EMCN: variants seen among roughly 807,000 people sequenced by gnomAD.
EMCN encodes endomucin.
Under a neutral mutation model 38.4 loss-of-function variants are expected in EMCN, and 37 were observed. That is an observed-to-expected ratio of 0.96 (90% CI 0.74 to 1.27). EMCN has a LOEUF of 1.27. EMCN is among the 50% of genes most tolerant of loss of function. The pLI, the probability that EMCN is intolerant of heterozygous loss-of-function variation, is 0.00. For synonymous variants in EMCN, 95 were observed against 100.8 expected (o/e 0.94, Z 0.35); for missense variants, 318 against 302.8 (o/e 1.05, Z -0.37).
intron 2 of EMCN, among the ~76,000 whole-genome samples, chr4:100,475,601 A>G (rs1278022170): frequency 7.0e-6 from 1 of 142,728 alleles, no homozygotes; most frequent in East Asian, 2.0e-4. Context: ...AAACTTCCCT[A>G]TTAATTTGTG....
At chr4:100,408,917 C>T (rs1726472384) in intron 11 of EMCN, among the ~76,000 whole-genome samples, 1 of 152,202 alleles carries the variant, frequency 6.6e-6, no homozygotes. Flanking sequence ...GGCACTGCAG[C>T]ATGCTGGAGG....
At chr4:100,442,233 A>G (rs1727542228) in intron 5 of EMCN, among the ~76,000 whole-genome samples, 1 of 152,168 alleles carries the variant, frequency 6.6e-6, no homozygotes, top group South Asian at 2.1e-4. Context: ...CTTGATCTGC[A>G]AGGTTTCTAT....
intron 1 of EMCN, among the ~76,000 whole-genome samples, chr4:100,487,855 C>T (rs1228301810): frequency 6.6e-6 from 1 of 152,186 alleles, no homozygotes; most frequent in African/African-American, 2.4e-5. Context: ...TTGGGTACTT[C>T]TTCATAGCAG....
At position 100,397,953 on chromosome 4, in the gene EMCN, CT is replaced by C. The variant is rs564721223; in HGVS notation, c.*459del. The C allele has an allele frequency of 3.9e-4, 60 of 152,004 alleles. No homozygotes were observed. Among genetic ancestry groups the C allele is most frequent in the African/African-American group, 1.2e-3 (50 of 41,446 alleles). 9.4% of individuals were successfully genotyped at this position (152,004 alleles called of 1,614,324 possible). A position where few individuals can be genotyped will look rare whatever the true frequency, so the allele number is the denominator to read the frequency against. Reference sequence around the variant, plus strand: ...TTAATAATACACGTGCAACTTTTCCCTGCATTAACATAGTGGTAAACAATAA... The same window carrying C: ...TTAATAATACACGTGCAACTTTTCCCGCATTAACATAGTGGTAAACAATAA... On this transcript the variant is annotated 3_prime_UTR_variant, in exon 12 of 12. Transcript: ENST00000296420.
At chr4:100,413,116 T>C (rs1560604530) in intron 10 of EMCN, among the ~76,000 whole-genome samples, 3 of 152,216 alleles carry the variant, frequency 2.0e-5, no homozygotes, top group Non-Finnish European at 4.4e-5. Context: ...CAGATTCAAA[T>C]AATTTTTATG....
rs1726521055 is a variant in EMCN at position 100,410,446 on chromosome 4, A to T, written c.752-91T>A. ...CCTAGCTTTTTTCTATTTTTCAAGG[A>T]AAGTTCAACTTTCCTGCAAGAATGT... On this transcript the variant is annotated intron_variant, in intron 10 of 11. Transcript: ENST00000296420. 12 of 1,303,260 alleles carry T rather than the reference A, an allele frequency of 9.2e-6. No homozygotes were observed. In the South Asian group the frequency reaches 1.5e-4, roughly 16 times the overall value. 80.7% of individuals were successfully genotyped at this position (1,303,260 alleles called of 1,614,324 possible). A position where few individuals can be genotyped will look rare whatever the true frequency, so the allele number is the denominator to read the frequency against.
chr4:100,479,447 T>C (rs1193695141), intron 2 of EMCN, among the ~76,000 whole-genome samples: 5 of 152,110 alleles, frequency 3.3e-5, no homozygotes, highest in Non-Finnish European at 7.4e-5. Flanking sequence ...TAGCTAGATA[T>C]AGTTGTCACT....
intron 1 of EMCN, among the ~76,000 whole-genome samples, chr4:100,508,343 TAAGAA>T (rs1729537156): frequency 6.6e-6 from 1 of 152,180 alleles, no homozygotes; most frequent in African/African-American, 2.4e-5. Context: ...GGGAAAAATA[TAAGAA>T]AGTTGTTATA....
At position 100,396,942 on chromosome 4, in the gene EMCN, C is replaced by CTTTT. The variant is rs75271521; in HGVS notation, c.*1467_*1470dup. On this transcript the variant is annotated 3_prime_UTR_variant, in exon 12 of 12. Coordinates refer to ENST00000296420, the MANE Select transcript of EMCN (RefSeq NM_016242.4). ...TCTCCTCTCTTCCTTTCCTTTCTTT[C>CTTTT]TTTTTTTTTTTTCTACTTCCCATCC... 6.9e-6 allele frequency: 1 copy of CTTTT among 145,484 alleles called. No homozygotes were observed. 9.0% of individuals were successfully genotyped at this position (145,484 alleles called of 1,614,324 possible). A position where few individuals can be genotyped will look rare whatever the true frequency, so the allele number is the denominator to read the frequency against.
At chr4:100,436,766 A>T (rs1417820348) in intron 5 of EMCN, among the ~76,000 whole-genome samples, 4 of 152,212 alleles carry the variant, frequency 2.6e-5, no homozygotes, top group African/African-American at 4.8e-5. Context: ...CAGAAACAGA[A>T]AACCAAACAC....
intron 3 of EMCN, among the ~76,000 whole-genome samples, chr4:100,472,678 T>C (rs1301618479): frequency 6.6e-6 from 1 of 152,058 alleles, no homozygotes; most frequent in Admixed American, 6.6e-5. Flanking sequence ...AAAACAATCT[T>C]GGATAAAAAA....
intron 10 of EMCN, among the ~76,000 whole-genome samples, chr4:100,411,682 T>A (rs900409628): frequency 6.6e-6 from 1 of 152,186 alleles, no homozygotes; most frequent in African/African-American, 2.4e-5. Context: ...TATTCTCTAT[T>A]TTTTTCTATT....
At chr4:100,431,156 G>A (rs1727187657) in intron 5 of EMCN, among the ~76,000 whole-genome samples, 1 of 152,066 alleles carries the variant, frequency 6.6e-6, no homozygotes, top group Non-Finnish European at 1.5e-5. Flanking sequence ...TCTAATACCT[G>A]TTCTGGCTTT....
At chr4:100,512,332 A>G (rs72692156) in intron 1 of EMCN, among the ~76,000 whole-genome samples, 219 of 152,262 alleles carry the variant, frequency 1.4e-3, no homozygotes, top group Non-Finnish European at 2.6e-3. Context: ...TTCTAGATGT[A>G]ATTGACACCA....
At chr4:100,436,826 A>G (rs933743385) in intron 5 of EMCN, among the ~76,000 whole-genome samples, 5 of 152,188 alleles carry the variant, frequency 3.3e-5, no homozygotes, top group African/African-American at 1.2e-4. Context: ...ACACATGGAC[A>G]CATGGGGCGG....
intron 1 of EMCN, chr4:100,486,711 C>T: frequency 5.3e-6 from 2 of 375,630 alleles, no homozygotes; most frequent in Non-Finnish European, 7.3e-6. Flanking sequence ...TCTCAGCCAC[C>T]TGGCCGCTCT....
At chr4:100,470,439 T>C (rs2116993) in intron 3 of EMCN, among the ~76,000 whole-genome samples, 123,641 of 151,178 alleles carry the variant, frequency 0.82, 51,951 homozygotes, top group South Asian at 0.96. Context: ...ACATTGTTGG[T>C]GGGAGTGTAA....
At chr4:100,423,171 A>T (rs1006110454) in intron 6 of EMCN, 91 bp from the exon 7 acceptor site, 26 of 1,392,566 alleles carry the variant, frequency 1.9e-5, no homozygotes, top group Non-Finnish European at 2.6e-5. Flanking sequence ...AACAGCCATG[A>T]TTTGTAGGTA....
intron 5 of EMCN, among the ~76,000 whole-genome samples, chr4:100,434,371 T>G: frequency 1.6e-5 from 1 of 61,972 alleles, no homozygotes; most frequent in Non-Finnish European, 2.9e-5. Context: ...CAGTAATAAA[T>G]AGCCTACCAA....
Sources: gnomAD v4.1 joint callset for allele counts (sites outside exome capture counted in the v4.1 genomes callset) on GRCh38, gnomAD v4.1.1 for gene constraint, MANE v1.5 for transcripts, NCBI Gene and HGNC (gene_info 2026-07-23, HGNC 2026-07-21) for gene names.